VWDE: variants seen among roughly 807,000 people sequenced by gnomAD.
The protein encoded by VWDE is von Willebrand factor D and EGF domains.
A neutral mutation model predicts 178.4 loss-of-function variants in VWDE; 207 were observed. The observed-to-expected ratio is 1.16, with a 90% CI of 1.04 to 1.30. VWDE has a LOEUF of 1.30. VWDE is among the 50% of genes most tolerant of loss of function. VWDE has a pLI of 0.00. For missense variants in VWDE, 2,287 were observed against 1,901.3 expected (o/e 1.20, Z -3.77); for synonymous variants, 738 against 651.4 (o/e 1.13, Z -2.02).
chr7:12,393,174 T>C (rs1163593922), intron 2 of VWDE, among the ~76,000 whole-genome samples: 1 of 152,188 alleles, frequency 6.6e-6, no homozygotes, highest in Non-Finnish European at 1.5e-5. Context: ...ACAAGCACTT[T>C]AGACACACAG....
chr7:12,392,103 G>A (rs1244913189), intron 2 of VWDE, among the ~76,000 whole-genome samples: 2 of 152,202 alleles, frequency 1.3e-5, no homozygotes, highest in Non-Finnish European at 2.9e-5. Context: ...CCAGTCAGCT[G>A]AGAAAGATTG....
chr7:12,346,215 T>A (rs1158849211), intron 19 of VWDE, among the ~76,000 whole-genome samples: 1 of 152,176 alleles, frequency 6.6e-6, no homozygotes, highest in East Asian at 1.9e-4. Context: ...TTTATTTCAT[T>A]AAGATTTTGA....
chr7:12,364,236 A>G (rs78242372), intron 13 of VWDE, among the ~76,000 whole-genome samples: 17,285 of 152,080 alleles, frequency 0.11, 1,290 homozygotes, highest in East Asian at 0.29. Flanking sequence ...GTGTACATAC[A>G]TAGATTTTCT....
intron 7 of VWDE, among the ~76,000 whole-genome samples, chr7:12,375,756 A>G (rs957668266): frequency 4.6e-5 from 7 of 152,094 alleles, no homozygotes; most frequent in South Asian, 4.1e-4. Context: ...ATGATCTCAC[A>G]ACAGTAACAA....
chr7:12,374,949 GATAAA>G (rs2128556839), intron 8 of VWDE, 56 bp downstream of exon 8: 1 of 1,463,252 alleles, frequency 6.8e-7, no homozygotes, highest in Non-Finnish European at 9.3e-7. Flanking sequence ...AAGACATAAT[GATAAA>G]ATACACATTT....
At chr7:12,390,504 CAAAGGAAAAACAT>C (rs1784337034) in intron 2 of VWDE, among the ~76,000 whole-genome samples, 1 of 150,974 alleles carries the variant, frequency 6.6e-6, no homozygotes, top group African/African-American at 2.4e-5. Flanking sequence ...TGCTTCAAAG[CAAAGGAAAAACAT>C]AAAGGAAATA....
chr7:12,341,103 T>C (rs547317113), intron 23 of VWDE, among the ~76,000 whole-genome samples: 65 of 152,312 alleles, frequency 4.3e-4, no homozygotes, highest in Non-Finnish European at 2.9e-4. Context: ...ACATTACTTA[T>C]CATAACTCAA....
chr7:12,358,569 G>A (rs1782400843), intron 16 of VWDE, among the ~76,000 whole-genome samples: 1 of 151,984 alleles, frequency 6.6e-6, no homozygotes, highest in African/African-American at 2.4e-5. Flanking sequence ...CATCCACAAA[G>A]CACTAATGCC....
In VWDE at chr7:12,344,932, C is replaced by T. The variant is rs1002873377; in HGVS notation, c.3887-463G>A. On this transcript the variant is annotated intron_variant, in intron 19 of 28. Transcript: ENST00000275358. ...CACCGTGAGCTGAAAAGAATACAGA[C>T]CACAATGTTAATCAGATCTATATTG... is the stretch of plus-strand genomic sequence containing the variant. 5.9e-5 allele frequency among the ~76,000 whole-genome samples: 9 copies of T among 151,856 alleles called. No homozygotes were observed. The East Asian group carries it at 1.5e-3, about 26-fold the overall frequency.
intron 19 of VWDE, among the ~76,000 whole-genome samples, chr7:12,349,282 A>G (rs1425646832): frequency 6.6e-6 from 1 of 150,532 alleles, no homozygotes; most frequent in Non-Finnish European, 1.5e-5. Context: ...TTTAAATTCA[A>G]TGTGACTTAT....
rs1006197816 is a variant in VWDE, at chr7:12,333,047, C to T, written c.4758+418G>A. On this transcript the variant is annotated intron_variant, in intron 28 of 28. Coordinates refer to ENST00000275358, the MANE Select transcript of VWDE (RefSeq NM_001135924.3). ...AGGAATTAGGACTGAAATAACATCT[C>T]GGCTGTTGATATTTGGAAATTTAAG... is the stretch of plus-strand genomic sequence containing the variant. Among the ~76,000 whole-genome samples, 3 of 152,092 alleles carry T rather than the reference C, an allele frequency of 2.0e-5. 1 individual carries two copies. Among genetic ancestry groups the T allele is most frequent in the Admixed American group, 2.0e-4 (3 of 15,258 alleles).
chr7:12,369,739 G>C lies in VWDE; in HGVS notation c.2567C>G (p.Ala856Gly). 6.4e-7 allele frequency: 1 copy of C among 1,551,422 alleles called. No homozygotes were observed. Among genetic ancestry groups the C allele is most frequent in the African/African-American group, 1.4e-5 (1 of 73,072 alleles). Residue 856 changes from alanine (A) to glycine (G), a missense_variant, in exon 12 of 29, where the codon GCC (alanine) becomes GGC (glycine). Coordinates refer to ENST00000275358, the MANE Select transcript of VWDE (RefSeq NM_001135924.3). ...CTTTTCACATTCATTTTCTAAAAGG[G>C]CCACACCTGCTTCTGCCCAACTAAG... ...DDLSWAEAGVALLENECEKRI... is the reference protein window; with the variant it reads ...DDLSWAEAGVGLLENECEKRI...
Position 12,361,497 on chromosome 7 carries a change from C to T in VWDE, c.2923G>A (p.Gly975Arg), listed in dbSNP as rs1259303085. Residue 975 changes from glycine to arginine, a missense_variant, in exon 14 of 29, where the codon GGA becomes AGA. By Grantham distance (125) the Gly-to-Arg change is moderately radical. Coordinates refer to ENST00000275358, the MANE Select transcript of VWDE (RefSeq NM_001135924.3). ...LQYNSSEWMPGEPIYTQTVFH... is the reference protein window; with the variant it reads ...LQYNSSEWMPREPIYTQTVFH... Reference sequence around the variant, plus strand: ...ACAGTCTGTGTATAGATGGGTTCTCCAGGCATCCATTCACTGCTATTATAC... The same window carrying T: ...ACAGTCTGTGTATAGATGGGTTCTCTAGGCATCCATTCACTGCTATTATAC... The T allele has an allele frequency of 2.6e-6, 4 of 1,549,244 alleles. No individual in the cohort carries two copies. Among genetic ancestry groups the T allele is most frequent in the Non-Finnish European group, 3.5e-6 (4 of 1,146,036 alleles).
At chr7:12,380,863 T>C (rs1201980186) in intron 4 of VWDE, 130 bp from the exon 5 acceptor site, 1 of 1,105,980 alleles carries the variant, frequency 9.0e-7, no homozygotes, top group African/African-American at 1.6e-5. Flanking sequence ...AGAAAAATGA[T>C]TATTTCTAGC....
At chr7:12,396,022 C>G (rs544774726) in intron 1 of VWDE, among the ~76,000 whole-genome samples, 1 of 152,174 alleles carries the variant, frequency 6.6e-6, no homozygotes, top group South Asian at 2.1e-4. Context: ...ATGTATACTT[C>G]CATTTATCCT....
chr7:12,342,114 A>G lies in VWDE; in HGVS notation c.4215T>C (p.Leu1405=). ...NRHCENGGQC[L]TPDICQCKPG... is the part of the protein sequence containing the mutation. ...GTTTGCACTGGCAAATATCTGGTGTAAGACACTGGCCTCCATTTTCACAGT... is the reference window on the plus strand; with the variant it reads ...GTTTGCACTGGCAAATATCTGGTGTGAGACACTGGCCTCCATTTTCACAGT... The change falls in exon 23 of 29, where the codon CTT becomes CTC. Residue 1405 remains leucine (L), a synonymous_variant. Coordinates refer to ENST00000275358, the MANE Select transcript of VWDE (RefSeq NM_001135924.3). 1 of 1,551,606 alleles carries G rather than the reference A, an allele frequency of 6.4e-7. No individual in the cohort carries two copies. Among genetic ancestry groups the G allele is most frequent in the Non-Finnish European group, 8.7e-7 (1 of 1,146,906 alleles).
intron 1 of VWDE, among the ~76,000 whole-genome samples, chr7:12,396,109 G>A (rs547009701): frequency 2.0e-5 from 3 of 152,116 alleles, no homozygotes; most frequent in Non-Finnish European, 4.4e-5. Flanking sequence ...TACTTTGGAA[G>A]AATGTGTCAA....
At chr7:12,340,475 GC>G (rs1781269028) in intron 23 of VWDE, 58 bp from the exon 24 acceptor site, 1 of 1,337,080 alleles carries the variant, frequency 7.5e-7, no homozygotes, top group Non-Finnish European at 1.0e-6. Flanking sequence ...AAAAATGAAA[GC>G]TGCACAGAAG....
At position 12,356,328 on chromosome 7, in the gene VWDE, C is replaced by A; in HGVS notation, c.3528G>T (p.Val1176=). The change falls in exon 18 of 29, where the codon GTG becomes GTT. Residue 1176 remains valine (V), a splice_region_variant and synonymous_variant. Coordinates refer to ENST00000275358, the MANE Select transcript of VWDE (RefSeq NM_001135924.3). The part of the protein sequence containing the change: ...CDAETRVTIE[V]TVKSCDCLNG... ...TCAAGCAATCACAAGACTTCACAGT[C>A]ACCTACAAAACAAAAAAAAAGGAAA... 6.5e-7 allele frequency: 1 copy of A among 1,548,332 alleles called. No individual in the cohort carries two copies. The highest frequency in any genetic ancestry group is 2.0e-5 in the Admixed American group (1 of 50,404).
Sources: allele counts gnomAD v4.1 joint callset (sites outside exome capture counted in the v4.1 genomes callset), GRCh38; gene constraint gnomAD v4.1.1; transcripts MANE v1.5; gene names NCBI Gene and HGNC (gene_info 2026-07-23, HGNC 2026-07-21).